The following TENM2 variants were observed in gnomAD, a reference collection of about 807,000 sequenced individuals.
TENM2 encodes the protein teneurin-2.
In TENM2, 52 loss-of-function variants were observed where a neutral mutation model predicts 245.2. The ratio of observed to expected loss-of-function variants is 0.21; its 90% CI spans 0.17 to 0.27. The LOEUF (loss-of-function observed/expected upper bound fraction) is 0.27, where lower values mean the gene tolerates loss of function less well. Among genes scored for constraint, TENM2 ranks in the 10% least tolerant of loss-of-function variants. TENM2 has a pLI of 1.00. For synonymous variants in TENM2, 1,363 were observed against 1,438.9 expected (o/e 0.95, Z 1.19); for missense variants, 3,046 against 3,666.8 (o/e 0.83, Z 4.37).
intron 1 of TENM2, among the ~76,000 whole-genome samples, chr5:167,334,061 C>A (rs912786379): frequency 6.6e-6 from 1 of 152,068 alleles, no homozygotes; most frequent in Non-Finnish European, 1.5e-5. Context: ...TTTATTGAAT[C>A]TTTCCTGTGT....
At chr5:167,291,915 A>G (rs1029317621) in intron 1 of TENM2, among the ~76,000 whole-genome samples, 1 of 152,172 alleles carries the variant, frequency 6.6e-6, no homozygotes, top group Non-Finnish European at 1.5e-5. Context: ...GGTAATTTAT[A>G]AGGAAAAAGA....
At chr5:167,214,715 A>G in the TENM2 span, among the ~76,000 whole-genome samples, 5 of 152,172 alleles carry the variant, frequency 3.3e-5, no homozygotes, top group African/African-American at 9.7e-5. Context: ...TTGGCAATAC[A>G]TATGGTGTCA....
chr5:168,139,517 A>G (rs777987358), intron 12 of TENM2: 1 of 456,360 alleles, frequency 2.2e-6, no homozygotes, highest in African/African-American at 2.0e-5. Flanking sequence ...GAGAGAAACC[A>G]GTTCTCTTCC....
chr5:167,647,223 G>A (rs1780021601), intron 2 of TENM2, among the ~76,000 whole-genome samples: 1 of 152,188 alleles, frequency 6.6e-6, no homozygotes, highest in Non-Finnish European at 1.5e-5. Flanking sequence ...ACAGAGGGAA[G>A]GCTGGTGGAG....
intron 12 of TENM2, among the ~76,000 whole-genome samples, chr5:168,134,959 G>A (rs1754917583): frequency 6.6e-6 from 1 of 152,208 alleles, no homozygotes. Context: ...GTTTGAGGAT[G>A]CTGCCTAGCC....
chr5:168,127,034 C>A, intron 12 of TENM2, 68 bp downstream of exon 14: 3 of 1,309,990 alleles, frequency 2.3e-6, no homozygotes, highest in Non-Finnish European at 3.2e-6. Flanking sequence ...ACTGGCTGTT[C>A]CTTCAGGGAC....
chr5:168,251,520 G>A (rs770495242), intron 27 of TENM2, among the ~76,000 whole-genome samples: 12 of 152,278 alleles, frequency 7.9e-5, no homozygotes, highest in Admixed American at 2.6e-4. Flanking sequence ...AGAAGGAGCC[G>A]GACCAGGCAC....
chr5:167,116,868 T>A, the TENM2 span, among the ~76,000 whole-genome samples: 4 of 152,232 alleles, frequency 2.6e-5, no homozygotes, highest in Admixed American at 1.3e-4. Flanking sequence ...AAACAAATGT[T>A]CAGGCTATCT....
Position 167,586,280 on chromosome 5 carries a change from C to T in TENM2, c.502+210807C>T, listed in dbSNP as rs1439377712. On this transcript the variant is annotated intron_variant, in intron 2 of 28. Coordinates refer to ENST00000518659, the Ensembl canonical transcript of TENM2. ...TATGGGAGGAAGTATGTAGGTTATACGCAAATACTGCACCAGTTTATTTGA... is the reference window on the plus strand; with the variant it reads ...TATGGGAGGAAGTATGTAGGTTATATGCAAATACTGCACCAGTTTATTTGA... 4.6e-5 allele frequency among the ~76,000 whole-genome samples: 7 copies of T among 152,048 alleles called. No individual in the cohort carries two copies. In the East Asian group the frequency reaches 7.7e-4, roughly 17 times the overall value.
intron 27 of TENM2, among the ~76,000 whole-genome samples, chr5:168,253,668 G>A (rs1399314214): frequency 5.3e-5 from 8 of 151,912 alleles, no homozygotes; most frequent in South Asian, 2.1e-4. Context: ...CTTGTGATTC[G>A]CCCGCCTCGG....
At position 168,047,649 on chromosome 5, in the gene TENM2, C is replaced by T. The variant is rs553688180; in HGVS notation, c.1309+100C>T. The T allele has an allele frequency of 5.6e-5, 78 of 1,399,742 alleles. No homozygotes were observed. In the East Asian group the frequency reaches 1.8e-3, roughly 33 times the overall value. 86.7% of individuals were successfully genotyped at this position (1,399,742 alleles called of 1,614,324 possible). A position where few individuals can be genotyped will look rare whatever the true frequency, so the allele number is the denominator to read the frequency against. ...TCTAATCCAAATCTTGGAAGGTATG[C>T]CAAAAGAAAAAGAAACGGGGGGAAA... On this transcript the variant is annotated intron_variant, in intron 6 of 28. Transcript: ENST00000518659.
chr5:167,949,602 G>A (rs1338108922), intron 3 of TENM2, among the ~76,000 whole-genome samples: 1 of 152,124 alleles, frequency 6.6e-6, no homozygotes, highest in African/African-American at 2.4e-5. Context: ...AGCAACCTTA[G>A]CGGGTAGTTA....
At chr5:167,408,188 C>T (rs1762731002) in intron 2 of TENM2, among the ~76,000 whole-genome samples, 1 of 152,026 alleles carries the variant, frequency 6.6e-6, no homozygotes, top group South Asian at 2.1e-4. Context: ...AAAATAAATC[C>T]ACCTCTGCCA....
At chr5:167,839,106 G>A (rs1303946551) in intron 2 of TENM2, among the ~76,000 whole-genome samples, 1 of 152,178 alleles carries the variant, frequency 6.6e-6, no homozygotes, top group Non-Finnish European at 1.5e-5. Flanking sequence ...ATTAAAACTT[G>A]ACAAAAATCC....
chr5:167,527,453 G>C (rs1267373298), intron 2 of TENM2, among the ~76,000 whole-genome samples: 1 of 151,908 alleles, frequency 6.6e-6, no homozygotes, highest in African/African-American at 2.4e-5. Flanking sequence ...TACTCCTCAT[G>C]TGTTGCATTC....
chr5:168,058,893 G>A (rs1276039514), intron 6 of TENM2, among the ~76,000 whole-genome samples: 3 of 151,810 alleles, frequency 2.0e-5, no homozygotes, highest in African/African-American at 2.4e-5. Context: ...ACCCTCCAAG[G>A]CAGTTAGAAC....
Position 168,103,445 on chromosome 5 carries a change from G to A in TENM2, c.1813+5318G>A, listed in dbSNP as rs1234666617. On this transcript the variant is annotated intron_variant, in intron 9 of 28. Transcript: ENST00000518659. ...ATCCCACATTGCATTTAATCGTCAC[G>A]CCCCCTTCATCCCTTTAACCTGACC... Among the ~76,000 whole-genome samples the A allele has an allele frequency of 3.3e-5, 5 of 151,898 alleles. No individual in the cohort carries two copies. The South Asian group carries it at 6.2e-4, about 19-fold the overall frequency.
chr5:168,120,515 A>G (rs1795393940), intron 10 of TENM2, among the ~76,000 whole-genome samples: 1 of 152,256 alleles, frequency 6.6e-6, no homozygotes, highest in African/African-American at 2.4e-5. Flanking sequence ...TTTTCTCTCC[A>G]GTAAGATTAT....
At chr5:167,659,022 C>T (rs1051209534) in intron 2 of TENM2, among the ~76,000 whole-genome samples, 7 of 152,142 alleles carry the variant, frequency 4.6e-5, no homozygotes, top group Non-Finnish European at 1.0e-4. Flanking sequence ...TTCAAATAAA[C>T]ACTGGGATGA....
Sources: gnomAD v4.1 joint callset for allele counts (sites outside exome capture counted in the v4.1 genomes callset) on GRCh38, gnomAD v4.1.1 for gene constraint, MANE v1.5 for transcripts, NCBI Gene and HGNC (gene_info 2026-07-23, HGNC 2026-07-21) for gene names.